Variants in SAMD3 observed in about 807,000 individuals in gnomAD.
SAMD3 encodes the protein sterile alpha motif domain containing 3.
A neutral mutation model predicts 58.5 loss-of-function variants in SAMD3; 63 were observed. That is an observed-to-expected ratio of 1.08 (90% CI 0.88 to 1.33). SAMD3 has a LOEUF of 1.33. Among genes scored for constraint, SAMD3 ranks in the 40% most tolerant of loss-of-function variants. The pLI is 0.00. For missense variants in SAMD3, 604 were observed against 608.4 expected (o/e 0.99, Z 0.08); for synonymous variants, 220 against 210.3 (o/e 1.05, Z -0.40).
At chr6:130,223,553 C>T (rs758379468), upstream of SAMD3, among the ~76,000 whole-genome samples, 1 of 152,188 alleles carries the variant, frequency 6.6e-6, no homozygotes, top group Non-Finnish European at 1.5e-5. Context: ...TCAAGCTGGG[C>T]TCTCTTGATC....
intron 9 of SAMD3, among the ~76,000 whole-genome samples, chr6:130,152,389 C>T (rs1000972351): frequency 5.3e-5 from 8 of 152,032 alleles, no homozygotes; most frequent in African/African-American, 1.9e-4. Flanking sequence ...TTGTCTAAAA[C>T]AATCAGGTCG....
At chr6:130,308,430 ATTC>A (rs1562513287) in intron 2 of SAMD3, among the ~76,000 whole-genome samples, 17 of 114,228 alleles carry the variant, frequency 1.5e-4, no homozygotes, top group South Asian at 6.1e-4. Context: ...ATTCTATTCT[ATTC>A]TATTCTTTTG....
At chr6:130,340,140 T>C (rs1364966448) in intron 1 of SAMD3, among the ~76,000 whole-genome samples, 1 of 152,220 alleles carries the variant, frequency 6.6e-6, no homozygotes, top group African/African-American at 2.4e-5. Context: ...TAGCTTTCTA[T>C]TGCTGCTATA....
intron 2 of SAMD3, among the ~76,000 whole-genome samples, chr6:130,294,474 A>G (rs973995820): frequency 5.9e-5 from 9 of 152,196 alleles, no homozygotes; most frequent in African/African-American, 1.9e-4. Flanking sequence ...TAGACTCTTC[A>G]GAAGGAGGGT....
intron 8 of SAMD3, among the ~76,000 whole-genome samples, chr6:130,156,503 A>C (rs944520076): frequency 8.5e-5 from 13 of 152,202 alleles, no homozygotes; most frequent in African/African-American, 2.4e-4. Context: ...ATTATACCTC[A>C]GAAACTCAAG....
intron 1 of SAMD3, among the ~76,000 whole-genome samples, chr6:130,347,172 C>T (rs1183068710): frequency 1.3e-5 from 2 of 152,124 alleles, no homozygotes; most frequent in African/African-American, 2.4e-5. Flanking sequence ...AAGCAGAGTG[C>T]CTCTCCTCCT....
chr6:130,293,009 A>G (rs1489755750), intron 2 of SAMD3, among the ~76,000 whole-genome samples: 1 of 152,196 alleles, frequency 6.6e-6, no homozygotes, highest in Non-Finnish European at 1.5e-5. Flanking sequence ...AGCTGTTTCT[A>G]TCTGTTTCTA....
intron 7 of SAMD3, among the ~76,000 whole-genome samples, chr6:130,182,809 CT>C (rs1792497642): frequency 6.6e-6 from 1 of 152,162 alleles, no homozygotes; most frequent in Non-Finnish European, 1.5e-5. Context: ...CAAAAAATAT[CT>C]TTTCACAGAC....
intron 1 of SAMD3, among the ~76,000 whole-genome samples, chr6:130,354,787 C>A (rs573999648): frequency 2.0e-5 from 3 of 152,238 alleles, no homozygotes; most frequent in South Asian, 4.1e-4. Flanking sequence ...TGCACATGTA[C>A]CCGTAAACCT....
At chr6:130,288,863 G>T (rs4897402) in intron 2 of SAMD3, among the ~76,000 whole-genome samples, 42,348 of 152,094 alleles carry the variant, frequency 0.28, 6,356 homozygotes, top group East Asian at 0.45. Flanking sequence ...GCTAATAAAT[G>T]CTCACAACAC....
At chr6:130,360,520 G>C (rs138338866) in intron 1 of SAMD3, among the ~76,000 whole-genome samples, 2,921 of 152,184 alleles carry the variant, frequency 0.019, 89 homozygotes, top group African/African-American at 0.066. Context: ...ATAGGGTGTG[G>C]GTCACAAAGA....
At chr6:130,293,919 T>G (rs956862205) in intron 2 of SAMD3, among the ~76,000 whole-genome samples, 3 of 152,142 alleles carry the variant, frequency 2.0e-5, no homozygotes, top group Non-Finnish European at 4.4e-5. Context: ...ACTCACAACA[T>G]GGGCCTTATG....
At chr6:130,298,907 G>T (rs760737086) in intron 2 of SAMD3, among the ~76,000 whole-genome samples, 1 of 151,896 alleles carries the variant, frequency 6.6e-6, no homozygotes, top group Non-Finnish European at 1.5e-5. Context: ...AATGATAAAG[G>T]GTTCAATTCA....
intron 1 of SAMD3, among the ~76,000 whole-genome samples, chr6:130,353,356 A>G (rs573746219): frequency 2.0e-5 from 3 of 152,274 alleles, no homozygotes; most frequent in Admixed American, 2.0e-4. Flanking sequence ...AGAGGGGAGG[A>G]GAAGAGCCTT....
intron 5 of SAMD3, among the ~76,000 whole-genome samples, chr6:130,193,602 C>A (rs1199557578): frequency 6.6e-6 from 1 of 152,118 alleles, no homozygotes; most frequent in East Asian, 1.9e-4. Flanking sequence ...CAACTTTCCA[C>A]CCTCCATTCC....
intron 5 of SAMD3, among the ~76,000 whole-genome samples, chr6:130,197,722 G>T (rs998322790): frequency 6.6e-6 from 1 of 151,832 alleles, no homozygotes; most frequent in African/African-American, 2.4e-5. Context: ...GAGAAACATC[G>T]CCCATTATCT....
chr6:130,282,190 AAG>A (rs1284315768), intron 2 of SAMD3, among the ~76,000 whole-genome samples: 4 of 152,042 alleles, frequency 2.6e-5, no homozygotes, highest in Admixed American at 6.6e-5. Flanking sequence ...TAGAGAGAGA[AAG>A]AGAGAGAGAA....
intron 2 of SAMD3, among the ~76,000 whole-genome samples, chr6:130,250,135 A>G (rs1298424550): frequency 6.6e-6 from 1 of 152,178 alleles, no homozygotes; most frequent in African/African-American, 2.4e-5. Flanking sequence ...AATCACCAAC[A>G]TTACAGTGAG....
chr6:130,324,178 G>A (rs1776679506), intron 1 of SAMD3, among the ~76,000 whole-genome samples: 1 of 152,026 alleles, frequency 6.6e-6, no homozygotes, highest in African/African-American at 2.4e-5. Context: ...GTTTAGTTTG[G>A]AAAGATTAGT....
Sources: allele counts gnomAD v4.1 joint callset (sites outside exome capture counted in the v4.1 genomes callset), GRCh38; gene constraint gnomAD v4.1.1; transcripts MANE v1.5; gene names NCBI Gene and HGNC (gene_info 2026-07-23, HGNC 2026-07-21).